Variants in PALM2AKAP2 observed in about 807,000 individuals in gnomAD.
PALM2AKAP2 encodes PALM2 and AKAP2 fusion.
A neutral mutation model predicts 71.5 loss-of-function variants in PALM2AKAP2; 37 were observed. That is an observed-to-expected ratio of 0.52 (90% confidence interval 0.40 to 0.68). PALM2AKAP2 has a LOEUF of 0.68. Ranked by LOEUF, PALM2AKAP2 falls within the 30% of genes least tolerant of loss-of-function variation. The pLI is 0.00. For missense variants in PALM2AKAP2, 1,224 were observed against 1,191.8 expected, an observed-to-expected ratio of 1.03 and a Z score of -0.40; for synonymous variants, 468 against 478.8, an observed-to-expected ratio of 0.98 and a Z score of 0.29.
chr9:109,909,452 T>C (rs1446305387), intron 3 of PALM2AKAP2, among the ~76,000 whole-genome samples: 1 of 152,230 alleles, frequency 6.6e-6, no homozygotes, highest in Non-Finnish European at 1.5e-5. Flanking sequence ...AGTCATTTAC[T>C]CAACCAACAC....
chr9:109,907,385 G>A (rs913001785), intron 3 of PALM2AKAP2, among the ~76,000 whole-genome samples: 2 of 152,198 alleles, frequency 1.3e-5, no homozygotes, highest in African/African-American at 4.8e-5. Flanking sequence ...AGACCTGAAA[G>A]ACTCATATTT....
chr9:109,735,637 T>C (rs920702252), intron 1 of PALM2AKAP2, among the ~76,000 whole-genome samples: 11 of 152,214 alleles, frequency 7.2e-5, no homozygotes, highest in African/African-American at 2.7e-4. Flanking sequence ...AGAAGTTTCC[T>C]CTTTTCATTT....
intron 1 of PALM2AKAP2, among the ~76,000 whole-genome samples, chr9:109,710,718 C>G (rs1468436353): frequency 1.3e-5 from 2 of 152,160 alleles, no homozygotes; most frequent in Non-Finnish European, 2.9e-5. Flanking sequence ...CCTCTCCTCA[C>G]CTTGGGTAAC....
At chr9:110,162,293 G>A (rs752868248) in intron 3 of PALM2AKAP2, among the ~76,000 whole-genome samples, 161 bp downstream of exon 10, 10 of 152,086 alleles carry the variant, frequency 6.6e-5, no homozygotes, top group East Asian at 1.9e-4. Flanking sequence ...GGACTGCCTC[G>A]AAATGTTGGA....
rs570606483 is a variant in PALM2AKAP2 at position 109,975,174 on chromosome 9, A to G, written c.497-40780A>G. 8.4e-4 allele frequency among the ~76,000 whole-genome samples: 128 copies of G among 152,332 alleles called. 1 individual carries two copies. The highest frequency in any genetic ancestry group is 8.8e-5 in the Non-Finnish European group (6 of 68,032). ...ATATTATGAGGGATTGGCTCACTCA[A>G]TTATGGCGGTTGAGAAGCCCCACGA... On this transcript the variant is annotated intron_variant, in intron 6 of 9. Transcript: ENST00000302798.
chr9:110,144,643 T>A (rs1308002237), intron 2 of PALM2AKAP2, among the ~76,000 whole-genome samples: 2 of 152,150 alleles, frequency 1.3e-5, no homozygotes, highest in South Asian at 4.2e-4. Flanking sequence ...AACTGGCAGG[T>A]TCTGGGTCAA....
intron 1 of PALM2AKAP2, among the ~76,000 whole-genome samples, chr9:109,739,457 G>A (rs1828686242): frequency 6.6e-6 from 1 of 152,170 alleles, no homozygotes. Flanking sequence ...CTATTCCTTG[G>A]TATATAGGTG....
Position 110,016,254 on chromosome 9 carries a change from G to A in PALM2AKAP2, c.582+215G>A, listed in dbSNP as rs75237914. ...TACCACCCTGAATATGCCCGACCTC[G>A]TCTGAAACTTGGGATCTGGATTAGG... On this transcript the variant is annotated intron_variant, in intron 7 of 9. Transcript: ENST00000302798. Among the ~76,000 whole-genome samples, 817 of 152,224 alleles carry A rather than the reference G, an allele frequency of 5.4e-3. 9 individuals carry two copies. The highest frequency in any genetic ancestry group is 0.019 in the African/African-American group (774 of 41,522).
upstream of PALM2AKAP2, among the ~76,000 whole-genome samples, chr9:109,777,365 A>G (rs1365012935): frequency 6.6e-6 from 1 of 151,906 alleles, no homozygotes; most frequent in Non-Finnish European, 1.5e-5. Context: ...TTCCTTTTTG[A>G]CTGTATCTTT....
chr9:109,900,840 A>T (rs1470500747), intron 3 of PALM2AKAP2, among the ~76,000 whole-genome samples: 1 of 152,186 alleles, frequency 6.6e-6, no homozygotes, highest in Admixed American at 6.5e-5. Flanking sequence ...AAGACAGTTA[A>T]CTTTGACTTC....
chr9:109,683,723 T>A (rs1341417063), intron 1 of PALM2AKAP2, among the ~76,000 whole-genome samples: 1 of 152,128 alleles, frequency 6.6e-6, no homozygotes, highest in Non-Finnish European at 1.5e-5. Context: ...GGGAGCTGAC[T>A]CATGTTCGTG....
chr9:109,780,954 C>T (rs1829435869), intron 1 of PALM2AKAP2, among the ~76,000 whole-genome samples: 1 of 152,166 alleles, frequency 6.6e-6, no homozygotes, highest in Admixed American at 6.5e-5. Flanking sequence ...AAGTGGAAAA[C>T]CAGGAGTCAG....
intron 1 of PALM2AKAP2, among the ~76,000 whole-genome samples, chr9:109,710,168 C>A (rs771531244): frequency 6.6e-6 from 1 of 152,200 alleles, no homozygotes; most frequent in South Asian, 2.1e-4. Context: ...AGGACCCAAT[C>A]GTGCCAACAC....
At chr9:110,166,039 A>G (rs1384552791) in intron 3 of PALM2AKAP2, among the ~76,000 whole-genome samples, 1 of 152,232 alleles carries the variant, frequency 6.6e-6, no homozygotes, top group African/African-American at 2.4e-5. Context: ...AAAGGCAAAG[A>G]GATGATCCTT....
intron 1 of PALM2AKAP2, among the ~76,000 whole-genome samples, chr9:109,842,950 G>A (rs1008739417): frequency 1.3e-5 from 2 of 151,948 alleles, no homozygotes; most frequent in Non-Finnish European, 2.9e-5. Flanking sequence ...AGACCAGACC[G>A]ACCAACGTGG....
intron 6 of PALM2AKAP2, chr9:109,944,366 A>G (rs996261300): frequency 4.6e-5 from 7 of 152,156 alleles, no homozygotes; most frequent in African/African-American, 1.4e-4. Flanking sequence ...TGCAGTGACC[A>G]TATTTCTAAA....
At chr9:109,951,387 T>A (rs1344117251) in intron 6 of PALM2AKAP2, among the ~76,000 whole-genome samples, 1 of 152,228 alleles carries the variant, frequency 6.6e-6, no homozygotes, top group Non-Finnish European at 1.5e-5. Flanking sequence ...GAAAAGACAC[T>A]ACCAGCGACA....
At chr9:110,133,857 C>G (rs534610922) in intron 1 of PALM2AKAP2, among the ~76,000 whole-genome samples, 19 of 152,266 alleles carry the variant, frequency 1.2e-4, no homozygotes, top group African/African-American at 4.1e-4. Flanking sequence ...ATGGAGTGGG[C>G]TAATTTTGGC....
At chr9:110,041,643 G>C (rs1005957409) in intron 7 of PALM2AKAP2, among the ~76,000 whole-genome samples, 1 of 152,184 alleles carries the variant, frequency 6.6e-6, no homozygotes, top group African/African-American at 2.4e-5. Flanking sequence ...GGAAGCCAGA[G>C]ACCCTGGAGA....
Sources: allele counts gnomAD v4.1 joint callset (sites outside exome capture counted in the v4.1 genomes callset), GRCh38; gene constraint gnomAD v4.1.1; transcripts MANE v1.5; gene names NCBI Gene and HGNC (gene_info 2026-07-23, HGNC 2026-07-21).